The following HMGCS2 variants were observed in gnomAD, a reference collection of about 807,000 sequenced individuals.
HMGCS2 encodes 3-hydroxy-3-methylglutaryl-CoA synthase 2.
HMGCS2 carries 50 observed loss-of-function variants against 57.4 expected under a neutral mutation model. That is an observed-to-expected ratio of 0.87 (90% CI 0.69 to 1.10). HMGCS2 has a LOEUF of 1.10. Ranked by LOEUF, HMGCS2 falls within the 50% of genes least tolerant of loss-of-function variation. HMGCS2 has a pLI of 0.00. For missense variants in HMGCS2, 627 were observed against 636.5 expected (o/e 0.99, Z 0.16); for synonymous variants, 254 against 245.1 (o/e 1.04, Z -0.34).
chr1:119,755,840 A>G (rs1652820939), intron 5 of HMGCS2, among the ~76,000 whole-genome samples: 1 of 152,164 alleles, frequency 6.6e-6, no homozygotes, highest in South Asian at 2.1e-4. Context: ...AGAAAATTAG[A>G]AAGAAAATCA....
chr1:119,764,039 TAGC>T (rs1242111887), intron 2 of HMGCS2, 130 bp downstream of exon 2: 1 of 738,170 alleles, frequency 1.4e-6, no homozygotes, highest in African/African-American at 1.7e-5. Flanking sequence ...TGTGGGATGA[TAGC>T]AGCAGCTGTG....
At chr1:119,751,687 C>T (rs955820759) in intron 8 of HMGCS2, among the ~76,000 whole-genome samples, 9 of 152,156 alleles carry the variant, frequency 5.9e-5, no homozygotes, top group Non-Finnish European at 1.3e-4. Flanking sequence ...GCATTACAGG[C>T]GTGAGCCACT....
At position 119,764,856 on chromosome 1, in the gene HMGCS2, G is replaced by A. The variant is rs766667753; in HGVS notation, c.105-230C>T. 2.6e-5 allele frequency among the ~76,000 whole-genome samples: 4 copies of A among 151,816 alleles called. No homozygotes were observed. The East Asian group carries it at 5.8e-4, about 22-fold the overall frequency. ...TTGGCATAAAGTTTCCTTTCCTGACGTCGATATAGCTACACTAGCTTTTTG... is the reference window on the plus strand; with the variant it reads ...TTGGCATAAAGTTTCCTTTCCTGACATCGATATAGCTACACTAGCTTTTTG... On this transcript the variant is annotated intron_variant, in intron 1 of 9. Transcript: ENST00000369406.
At chr1:119,761,723 G>T (rs1183890424) in intron 2 of HMGCS2, among the ~76,000 whole-genome samples, 1 of 151,798 alleles carries the variant, frequency 6.6e-6, no homozygotes, top group Admixed American at 6.6e-5. Context: ...TGAGATCACC[G>T]CCACTGCACT....
intron 4 of HMGCS2, 46 bp downstream of exon 4, chr1:119,759,072 G>A (rs1226445493): frequency 6.3e-7 from 1 of 1,593,560 alleles, no homozygotes; most frequent in South Asian, 1.1e-5. Flanking sequence ...CAAACCCTTG[G>A]CCTATGTAAA....
At chr1:119,760,585 G>T (rs1198518039) in intron 2 of HMGCS2, among the ~76,000 whole-genome samples, 1 of 152,146 alleles carries the variant, frequency 6.6e-6, no homozygotes, top group Non-Finnish European at 1.5e-5. Flanking sequence ...TACTTTCATT[G>T]TGAAAATAGT....
At chr1:119,756,761 T>C (rs1234612488) in intron 5 of HMGCS2, among the ~76,000 whole-genome samples, 1 of 152,102 alleles carries the variant, frequency 6.6e-6, no homozygotes, top group Non-Finnish European at 1.5e-5. Flanking sequence ...ATTAAGACAA[T>C]GGCAAATGAG....
intron 2 of HMGCS2, among the ~76,000 whole-genome samples, chr1:119,760,283 T>C (rs587596388): frequency 7.2e-4 from 110 of 152,348 alleles, no homozygotes; most frequent in African/African-American, 2.5e-3. Context: ...TTTGGGTTTG[T>C]ACCCATCTCC....
intron 5 of HMGCS2, 54 bp downstream of exon 5, chr1:119,757,219 C>T (rs931627067): frequency 2.5e-6 from 4 of 1,612,962 alleles, no homozygotes; most frequent in Non-Finnish European, 3.4e-6. Flanking sequence ...ATGAAGAAGC[C>T]TCCTTCTTGC....
At chr1:119,755,709 A>G in intron 5 of HMGCS2, 112 bp from the exon 6 acceptor site, 3 of 931,088 alleles carry the variant, frequency 3.2e-6, no homozygotes, top group Non-Finnish European at 5.4e-6. Context: ...TTTTTCCTAC[A>G]ATATTTGGAA....
At chr1:119,762,937 C>T (rs1170785556) in intron 2 of HMGCS2, among the ~76,000 whole-genome samples, 1 of 152,040 alleles carries the variant, frequency 6.6e-6, no homozygotes, top group Non-Finnish European at 1.5e-5. Flanking sequence ...CTGGTGAATG[C>T]CCCTTATTTT....
chr1:119,763,642 T>C (rs961922318), intron 2 of HMGCS2, among the ~76,000 whole-genome samples: 4 of 152,192 alleles, frequency 2.6e-5, no homozygotes, highest in Non-Finnish European at 5.9e-5. Context: ...GTAATGTTAA[T>C]ATGTTAAGCA....
Position 119,759,188 on chromosome 1 carries a change from C to T in HMGCS2, c.780G>A (p.Gln260=), listed in dbSNP as rs1172184574. 1 of 1,614,188 alleles carries T rather than the reference C, an allele frequency of 6.2e-7. No homozygotes were observed. Among genetic ancestry groups the T allele is most frequent in the Admixed American group, 1.7e-5 (1 of 60,026 alleles). The change falls in exon 4 of 10, where the codon CAG becomes CAA. Residue 260 remains glutamine, a synonymous_variant. Transcript: ENST00000369406. ...ATCGATCCAAGGCCCGCAAGTAGCA[C>T]TGGATGGAAAGCTTCCCATCCACTA... ...YPIVDGKLSI[Q]CYLRALDRCY... is the part of the protein sequence containing the mutation.
intron 1 of HMGCS2, among the ~76,000 whole-genome samples, chr1:119,767,358 G>T (rs1653267531): frequency 6.6e-6 from 1 of 152,192 alleles, no homozygotes; most frequent in African/African-American, 2.4e-5. Flanking sequence ...ACAGACTTCT[G>T]CCAGTGAAGA....
At chr1:119,764,872 T>C (rs1653166687) in intron 1 of HMGCS2, among the ~76,000 whole-genome samples, 1 of 152,240 alleles carries the variant, frequency 6.6e-6, no homozygotes, top group African/African-American at 2.4e-5. Flanking sequence ...ATAGCTACAC[T>C]AGCTTTTTGC....
chr1:119,765,462 C>T (rs187299639), intron 1 of HMGCS2, among the ~76,000 whole-genome samples: 2 of 152,216 alleles, frequency 1.3e-5, no homozygotes, highest in African/African-American at 4.8e-5. Context: ...TCCTCCTTTC[C>T]CATATCCTTT....
At position 119,755,527 on chromosome 1, in the gene HMGCS2, T is replaced by C; in HGVS notation, c.1087A>G (p.Met363Val). ...DKALLKASQDMFDKKTKASLY... is the reference protein window; with the variant it reads ...DKALLKASQDVFDKKTKASLY... ...GAAGCCTTGGTTTTCTTGTCGAACA[T>C]GTCCTGAGAGGCCTTTAGAAGTGCT... Residue 363 changes from methionine to valine, a missense_variant, in exon 6 of 10, where the codon ATG (methionine) becomes GTG (valine). Transcript: ENST00000369406. 2.5e-6 allele frequency: 4 copies of C among 1,614,096 alleles called. No individual in the cohort carries two copies. Among genetic ancestry groups the C allele is most frequent in the East Asian group, 2.2e-5 (1 of 44,870 alleles).
chr1:119,749,131 G>A (rs1288478377), intron 9 of HMGCS2, among the ~76,000 whole-genome samples: 1 of 152,216 alleles, frequency 6.6e-6, no homozygotes, highest in South Asian at 2.1e-4. Flanking sequence ...TCCACCATGA[G>A]CACTGCACTG....
At chr1:119,768,042 G>A (rs115885799) in intron 1 of HMGCS2, among the ~76,000 whole-genome samples, 1 of 152,180 alleles carries the variant, frequency 6.6e-6, no homozygotes, top group Admixed American at 6.5e-5. Context: ...GAGTAAAAAT[G>A]TAAGGAAATA....
Sources: gnomAD v4.1 joint callset for allele counts (sites outside exome capture counted in the v4.1 genomes callset) on GRCh38, gnomAD v4.1.1 for gene constraint, MANE v1.5 for transcripts, NCBI Gene and HGNC (gene_info 2026-07-23, HGNC 2026-07-21) for gene names.